CUX1: variants seen among roughly 807,000 people sequenced by gnomAD.
CUX1 encodes protein CASP.
Under a neutral mutation model 158.8 loss-of-function variants are expected in CUX1, and 31 were observed. The ratio of observed to expected loss-of-function variants is 0.20; its 90% CI spans 0.15 to 0.26. The LOEUF (loss-of-function observed/expected upper bound fraction) is 0.26, where lower values mean the gene tolerates loss of function less well. Ranked by LOEUF, CUX1 falls within the 10% of genes least tolerant of loss-of-function variation. The pLI, the probability that CUX1 is intolerant of heterozygous loss-of-function variation, is 1.00. For synonymous variants in CUX1, 879 were observed against 862.1 expected, an observed-to-expected ratio of 1.02 and a Z score of -0.34; for missense variants, 1,589 against 2,014.6, an observed-to-expected ratio of 0.79 and a Z score of 4.04.
At chr7:101,904,333 G>A (rs1802514244) in intron 1 of CUX1, among the ~76,000 whole-genome samples, 1 of 152,074 alleles carries the variant, frequency 6.6e-6, no homozygotes, top group African/African-American at 2.4e-5. Flanking sequence ...TATATACTGA[G>A]AAATTTTGTC....
At chr7:101,860,891 TGACCTG>T (rs983836637) in intron 1 of CUX1, among the ~76,000 whole-genome samples, 5 of 152,086 alleles carry the variant, frequency 3.3e-5, no homozygotes, top group African/African-American at 1.2e-4. Context: ...ACTGCAGCCT[TGACCTG>T]GTAGTCTCAA....
rs1554533932 is a variant in CUX1 at position 102,239,311 on chromosome 7, C to T, written c.3623-9C>T. Reference sequence around the variant, plus strand: ...GCCTGACCTTAGTCTGCCATCTCTTCCTCCGCAGCCTACATGAAGCGGCGG... The same window carrying T: ...GCCTGACCTTAGTCTGCCATCTCTTTCTCCGCAGCCTACATGAAGCGGCGG... On this transcript the variant is annotated splice_polypyrimidine_tract_variant and intron_variant, in intron 22 of 23. Coordinates refer to ENST00000292535, the MANE Select transcript of CUX1 (RefSeq NM_181552.4). 2 of 1,594,584 alleles carry T rather than the reference C, an allele frequency of 1.3e-6. No individual in the cohort carries two copies. Among genetic ancestry groups the T allele is most frequent in the African/African-American group, 2.7e-5 (2 of 74,656 alleles).
At chr7:101,863,942 CATCA>C (rs937271164) in intron 1 of CUX1, among the ~76,000 whole-genome samples, 12 of 152,312 alleles carry the variant, frequency 7.9e-5, no homozygotes, top group African/African-American at 2.6e-4. Context: ...TGTATTCATT[CATCA>C]ATCAGTGGAT....
Position 102,251,989 on chromosome 7 carries a change from T to G in CUX1, c.*2947T>G, listed in dbSNP as rs1801566398. The stretch of plus-strand genomic sequence containing the variant: ...GTTGTTTTCTCTTTTCTGTTTTTAC[T>G]TCTTAGATTTTTAACTAGGTTACTG... On this transcript the variant is annotated 3_prime_UTR_variant, in exon 24 of 24. Coordinates refer to ENST00000292535, the MANE Select transcript of CUX1 (RefSeq NM_181552.4). 1 of 985,306 alleles carries G rather than the reference T, an allele frequency of 1.0e-6. No individual in the cohort carries two copies. The highest frequency in any genetic ancestry group is 1.2e-6 in the Non-Finnish European group (1 of 829,916). 61.0% of individuals were successfully genotyped at this position (985,306 alleles called of 1,614,324 possible). A position where few individuals can be genotyped will look rare whatever the true frequency, so the allele number is the denominator to read the frequency against.
chr7:101,870,002 T>C (rs538881685), intron 1 of CUX1, among the ~76,000 whole-genome samples: 64 of 151,854 alleles, frequency 4.2e-4, no homozygotes, highest in African/African-American at 1.5e-3. Context: ...CCCAGTGCCT[T>C]TTCTGACCCC....
At chr7:101,991,496 T>C (rs1357381108) in intron 2 of CUX1, among the ~76,000 whole-genome samples, 1 of 152,224 alleles carries the variant, frequency 6.6e-6, no homozygotes, top group Non-Finnish European at 1.5e-5. Flanking sequence ...TGGTGGCTCA[T>C]GCCTGTAATC....
chr7:101,995,053 G>A (rs982624327), intron 2 of CUX1, among the ~76,000 whole-genome samples: 11 of 152,040 alleles, frequency 7.2e-5, no homozygotes, highest in African/African-American at 1.9e-4. Context: ...CTGCGATCCT[G>A]CCATTGCATC....
chr7:102,023,115 T>C (rs1240829062), intron 2 of CUX1, among the ~76,000 whole-genome samples: 1 of 152,094 alleles, frequency 6.6e-6, no homozygotes, highest in Non-Finnish European at 1.5e-5. Flanking sequence ...CTTGGGAGGC[T>C]GAAGCAGGAG....
At chr7:101,984,015 C>T (rs1214832917) in intron 2 of CUX1, among the ~76,000 whole-genome samples, 1 of 142,062 alleles carries the variant, frequency 7.0e-6, no homozygotes, top group African/African-American at 2.7e-5. Flanking sequence ...GCCTGGGTGA[C>T]AGAGCTGAGA....
At chr7:102,076,059 A>G (rs1826680499) in intron 4 of CUX1, among the ~76,000 whole-genome samples, 1 of 143,420 alleles carries the variant, frequency 7.0e-6, no homozygotes. Context: ...CCTCTTCTTC[A>G]TCTTCCACCT....
chr7:102,100,033 AC>A (rs1829617897), intron 5 of CUX1, among the ~76,000 whole-genome samples: 1 of 152,116 alleles, frequency 6.6e-6, no homozygotes. Flanking sequence ...TAATCCCAGC[AC>A]TTAAGGAGGC....
chr7:102,020,587 A>G (rs1311816758), intron 2 of CUX1, among the ~76,000 whole-genome samples: 1 of 152,182 alleles, frequency 6.6e-6, no homozygotes, highest in African/African-American at 2.4e-5. Context: ...GACCTTATAA[A>G]AAGACATTGG....
intron 2 of CUX1, among the ~76,000 whole-genome samples, chr7:101,953,243 G>A (rs936437484): frequency 9.9e-5 from 15 of 152,212 alleles, no homozygotes; most frequent in South Asian, 2.1e-4. Flanking sequence ...AGAAGGAAAA[G>A]GAAATTTTAT....
chr7:102,195,409 C>G lies in CUX1; in HGVS notation c.1126-98C>G, dbSNP rs2041020. ...AATCAGATCGAGAGCTGGGTGGGAA[C>G]GCGGACAGATGGAGGGAGGCAGGGC... On this transcript the variant is annotated intron_variant, in intron 13 of 23. Coordinates refer to ENST00000292535, the MANE Select transcript of CUX1 (RefSeq NM_181552.4). 3,655 of 922,552 alleles carry G rather than the reference C, an allele frequency of 4.0e-3. 70 individuals are homozygous for G. The African/African-American group carries it at 0.05, about 13-fold the overall frequency. 57.1% of individuals were successfully genotyped at this position (922,552 alleles called of 1,614,324 possible).
chr7:102,208,923 A>G (rs1456119661), intron 20 of CUX1, among the ~76,000 whole-genome samples: 2 of 152,202 alleles, frequency 1.3e-5, no homozygotes, highest in Non-Finnish European at 2.9e-5. Context: ...TCGAAGATGG[A>G]CTGGCGGTTG....
chr7:102,185,595 G>GTT (rs1554515027), intron 11 of CUX1, among the ~76,000 whole-genome samples: 4 of 149,214 alleles, frequency 2.7e-5, no homozygotes, highest in Admixed American at 6.7e-5. Flanking sequence ...AATGTTTTGG[G>GTT]GTTTTTTTTT....
chr7:102,250,067 A>C lies in CUX1; in HGVS notation c.*1025A>C, dbSNP rs542635630. 1 of 985,110 alleles carries C rather than the reference A, an allele frequency of 1.0e-6. No homozygotes were observed. The highest frequency in any genetic ancestry group is 1.2e-6 in the Non-Finnish European group (1 of 829,450). The allele number at this position is 985,110 out of a possible 1,614,324, so 61.0% of individuals were successfully genotyped here. A position where few individuals can be genotyped will look rare whatever the true frequency, so the allele number is the denominator to read the frequency against. On this transcript the variant is annotated 3_prime_UTR_variant, in exon 24 of 24. Coordinates refer to ENST00000292535, the MANE Select transcript of CUX1 (RefSeq NM_181552.4). Reference sequence around the variant, plus strand: ...ACAAAAAAAAGAAAAAAAAAGAAAAAAAAAAAAGAAAAGATCCGAATCTAG... The same window carrying C: ...ACAAAAAAAAGAAAAAAAAAGAAAACAAAAAAAGAAAAGATCCGAATCTAG...
At chr7:101,861,892 T>C (rs969995883) in intron 1 of CUX1, among the ~76,000 whole-genome samples, 6 of 151,972 alleles carry the variant, frequency 3.9e-5, no homozygotes, top group Non-Finnish European at 8.8e-5. Context: ...TGGAGTGCAG[T>C]GGCACAATCT....
At chr7:102,199,107 C>T (rs1586173762) in intron 16 of CUX1, among the ~76,000 whole-genome samples, 1 of 152,174 alleles carries the variant, frequency 6.6e-6, no homozygotes, top group Admixed American at 6.5e-5. Flanking sequence ...CTAAGCCCCC[C>T]GAGTCTGAAT....
Sources: gnomAD v4.1 joint callset for allele counts (sites outside exome capture counted in the v4.1 genomes callset) on GRCh38, gnomAD v4.1.1 for gene constraint, MANE v1.5 for transcripts, NCBI Gene and HGNC (gene_info 2026-07-23, HGNC 2026-07-21) for gene names.